The following SLC9B2 variants were observed in gnomAD, a reference collection of about 807,000 sequenced individuals.
SLC9B2 encodes sodium/hydrogen exchanger 9B2.
SLC9B2 carries 39 observed loss-of-function variants against 52.2 expected under a neutral mutation model. That is an observed-to-expected ratio of 0.75 (90% CI 0.58 to 0.98). The LOEUF (loss-of-function observed/expected upper bound fraction) is 0.98. Ranked by LOEUF, SLC9B2 falls within the 50% of genes least tolerant of loss-of-function variation. SLC9B2 has a pLI of 0.00. For missense variants in SLC9B2, 626 were observed against 637.5 expected, an observed-to-expected ratio of 0.98 and a Z score of 0.19; for synonymous variants, 214 against 227.0, an observed-to-expected ratio of 0.94 and a Z score of 0.51.
At chr4:103,047,303 T>C (rs1744240550) in intron 6 of SLC9B2, 77 bp from the exon 7 acceptor site, 4 of 1,285,606 alleles carry the variant, frequency 3.1e-6, no homozygotes, top group Non-Finnish European at 4.2e-6. Flanking sequence ...CCCTCCACTT[T>C]TTAGGGGTTA....
In SLC9B2 at chr4:103,042,587, GAAT is replaced by G. The variant is rs533635903; in HGVS notation, c.1146+706_1146+708del. Among the ~76,000 whole-genome samples the G allele has an allele frequency of 1.3e-3, 198 of 151,172 alleles. No individual in the cohort carries two copies. In the Middle Eastern group the frequency reaches 0.017, roughly 13 times the overall value. ...ATTGCCCATAAAGAAATGAAAATCA[GAAT>G]AATAATGAGATATATTTTTAATTCA... On this transcript the variant is annotated intron_variant, in intron 9 of 11. Transcript: ENST00000394785.
At chr4:103,027,656 C>T (rs1213878745) in intron 11 of SLC9B2, among the ~76,000 whole-genome samples, 1 of 152,104 alleles carries the variant, frequency 6.6e-6, no homozygotes, top group African/African-American at 2.4e-5. Flanking sequence ...GAAACAATGG[C>T]AGAAACTACT....
In SLC9B2 at chr4:103,026,434, A is replaced by G. The variant is rs777744734; in HGVS notation, c.1550T>C (p.Leu517Pro). 5.6e-6 allele frequency: 9 copies of G among 1,613,910 alleles called. No individual in the cohort carries two copies. The Admixed American group carries it at 1.3e-4, about 24-fold the overall frequency. ...TTTATTTTGATGTTCAACTTTCTGC[A>G]GAAGCCTGGGGCCCAGTAAACCAAT... ...LLIGLLGPRLLQKVEHQNKDE... is the reference protein window; with the variant it reads ...LLIGLLGPRLPQKVEHQNKDE... The change falls in exon 12 of 12, where the codon CTG (leucine) becomes CCG (proline). Residue 517 changes from leucine to proline, a missense_variant. Coordinates refer to ENST00000394785, the MANE Select transcript of SLC9B2 (RefSeq NM_178833.7).
intron 11 of SLC9B2, among the ~76,000 whole-genome samples, 173 bp from the exon 12 acceptor site, chr4:103,026,764 C>T (rs983536127): frequency 2.0e-5 from 3 of 152,082 alleles, no homozygotes; most frequent in African/African-American, 7.2e-5. Flanking sequence ...GTGCAGCACA[C>T]CAACATGGCA....
chr4:103,040,460 C>T (rs1380774636), intron 9 of SLC9B2, among the ~76,000 whole-genome samples: 1 of 152,128 alleles, frequency 6.6e-6, no homozygotes, highest in Non-Finnish European at 1.5e-5. Flanking sequence ...AGAAAAGTTA[C>T]AACGTATCTT....
intron 6 of SLC9B2, among the ~76,000 whole-genome samples, chr4:103,047,864 C>T (rs1286128110): frequency 1.3e-5 from 2 of 152,150 alleles, no homozygotes; most frequent in African/African-American, 4.8e-5. Context: ...AAAACTTCTA[C>T]AGAACACTGT....
chr4:103,055,574 A>G (rs1360553773), intron 4 of SLC9B2, among the ~76,000 whole-genome samples: 1 of 150,728 alleles, frequency 6.6e-6, no homozygotes, highest in South Asian at 2.1e-4. Context: ...TTTAACTTTA[A>G]CTACTGACCA....
rs1377377225 is a variant in SLC9B2, at chr4:103,071,360, C to T, written c.-42-3768G>A. Among the ~76,000 whole-genome samples the T allele has an allele frequency of 3.3e-5, 5 of 150,228 alleles. No homozygotes were observed. In the South Asian group the frequency reaches 6.3e-4, roughly 19 times the overall value. On this transcript the variant is annotated intron_variant, in intron 1 of 11. Transcript: ENST00000394785. ...CTAGGACTAGAGGCATGCACCACCA[C>T]GCCTGGCTAATTTTTGTATTTTTTT...
At chr4:103,053,560 G>A (rs1035448981) in intron 4 of SLC9B2, among the ~76,000 whole-genome samples, 2 of 152,152 alleles carry the variant, frequency 1.3e-5, no homozygotes, top group Admixed American at 6.5e-5. Flanking sequence ...GGTGTAATGG[G>A]CATTTTCATG....
At chr4:103,033,340 G>A (rs937152293) in intron 9 of SLC9B2, among the ~76,000 whole-genome samples, 19 of 152,122 alleles carry the variant, frequency 1.2e-4, no homozygotes, top group African/African-American at 4.3e-4. Context: ...GGCAAAAGCT[G>A]GAAGCATTCC....
chr4:103,075,997 A>G (rs970517522), intron 1 of SLC9B2, among the ~76,000 whole-genome samples, 187 bp downstream of exon 1: 5 of 152,212 alleles, frequency 3.3e-5, no homozygotes, highest in African/African-American at 1.2e-4. Flanking sequence ...TCTGAGAACT[A>G]AAATAAAAGC....
At chr4:103,070,535 G>C (rs911969108) in intron 1 of SLC9B2, among the ~76,000 whole-genome samples, 1 of 152,318 alleles carries the variant, frequency 6.6e-6, no homozygotes, top group Non-Finnish European at 1.5e-5. Flanking sequence ...CCGCCGCCTG[G>C]GTTCAAGAGA....
At chr4:103,037,291 T>C (rs1032334014) in intron 9 of SLC9B2, among the ~76,000 whole-genome samples, 2 of 152,252 alleles carry the variant, frequency 1.3e-5, no homozygotes, top group Admixed American at 6.5e-5. Flanking sequence ...GGTGATGTTT[T>C]TGTGACCAGA....
At chr4:103,059,841 T>C (rs1055624339) in intron 3 of SLC9B2, among the ~76,000 whole-genome samples, 8 of 151,516 alleles carry the variant, frequency 5.3e-5, no homozygotes, top group African/African-American at 2.0e-4. Flanking sequence ...TCTGTTACAG[T>C]AAATTCTTAG....
intron 4 of SLC9B2, among the ~76,000 whole-genome samples, chr4:103,053,581 AAC>A: frequency 6.6e-6 from 1 of 152,370 alleles, no homozygotes; most frequent in Non-Finnish European, 1.5e-5. Flanking sequence ...TGTCTAGAAC[AAC>A]AGTCTTCAAC....
intron 9 of SLC9B2, among the ~76,000 whole-genome samples, chr4:103,037,672 A>C (rs1486295417): frequency 6.6e-6 from 1 of 152,208 alleles, no homozygotes; most frequent in Non-Finnish European, 1.5e-5. Context: ...CACTAACTGC[A>C]AGGCACTTGC....
At chr4:103,018,952 A>G (rs1390719422), downstream of SLC9B2, among the ~76,000 whole-genome samples, 3 of 152,180 alleles carry the variant, frequency 2.0e-5, no homozygotes, top group African/African-American at 4.8e-5. Context: ...TGAACTGCGC[A>G]TGTGAGGGAT....
At position 103,023,199 on chromosome 4, in the gene SLC9B2, T is replaced by C. The variant is rs1389961024; in HGVS notation, c.*3171A>G. Among the ~76,000 whole-genome samples the C allele has an allele frequency of 6.6e-6, 1 of 152,222 alleles. No individual in the cohort carries two copies. The highest frequency in any genetic ancestry group is 1.5e-5 in the Non-Finnish European group (1 of 68,040). On this transcript the variant is annotated 3_prime_UTR_variant, in exon 12 of 12. Coordinates refer to ENST00000394785, the MANE Select transcript of SLC9B2 (RefSeq NM_178833.7). Reference sequence around the variant, plus strand: ...CTCAGATTTAGTCAGTAAATGTTTATTAAATGTCTACTGTGTTCCATGCCC... The same window carrying C: ...CTCAGATTTAGTCAGTAAATGTTTACTAAATGTCTACTGTGTTCCATGCCC...
intron 9 of SLC9B2, among the ~76,000 whole-genome samples, chr4:103,042,684 A>G (rs1229150442): frequency 6.6e-6 from 1 of 151,626 alleles, no homozygotes; most frequent in East Asian, 1.9e-4. Flanking sequence ...ATTGGTAAAA[A>G]TATAAATTGG....
Sources: allele counts gnomAD v4.1 joint callset (sites outside exome capture counted in the v4.1 genomes callset), GRCh38; gene constraint gnomAD v4.1.1; transcripts MANE v1.5; gene names NCBI Gene and HGNC (gene_info 2026-07-23, HGNC 2026-07-21).